MMP26: variants seen among roughly 807,000 people sequenced by gnomAD.
MMP26 encodes matrix metallopeptidase 26.
MMP26 carries 33 observed loss-of-function variants against 31.0 expected under a neutral mutation model. The observed-to-expected ratio is 1.06, with a 90% confidence interval of 0.81 to 1.42. The LOEUF (loss-of-function observed/expected upper bound fraction) is 1.42. MMP26 is among the 40% of genes most tolerant of loss of function. The pLI is 0.00. For synonymous variants in MMP26, 122 were observed against 114.9 expected (o/e 1.06, Z -0.40); for missense variants, 347 against 316.1 (o/e 1.10, Z -0.74).
At chr11:4,972,065 T>C (rs1598508) in intron 2 of MMP26, among the ~76,000 whole-genome samples, 77,810 of 151,450 alleles carry the variant, frequency 0.51, 20,499 homozygotes, top group South Asian at 0.64. Context: ...GTCCAAAGCA[T>C]GTAATTGACC....
intron 2 of MMP26, among the ~76,000 whole-genome samples, chr11:4,858,312 C>T (rs146949313): frequency 0.012 from 1,851 of 152,160 alleles, 43 homozygotes; most frequent in African/African-American, 0.042. Flanking sequence ...GACATGATTG[C>T]ATATTTAGAA....
intron 1 of MMP26, among the ~76,000 whole-genome samples, chr11:4,735,760 A>T (rs963130677): frequency 1.3e-4 from 20 of 151,048 alleles, no homozygotes; most frequent in African/African-American, 4.4e-4. Flanking sequence ...ATAATAGACA[A>T]TAGTTCTAAT....
Position 4,797,995 on chromosome 11 carries a change from T to C in MMP26, c.-145+30654T>C, listed in dbSNP as rs936168677. Among the ~76,000 whole-genome samples, 17 of 152,250 alleles carry C rather than the reference T, an allele frequency of 1.1e-4. 1 individual carries two copies. The highest frequency in any genetic ancestry group is 4.4e-5 in the Non-Finnish European group (3 of 68,036). On this transcript the variant is annotated intron_variant, in intron 2 of 7. Transcript: ENST00000380390. ...TGTTTCCTCATCTACAAAGTGGAAT[T>C]GGATGATTACATTGACTTCACATGC...
intron 2 of MMP26, among the ~76,000 whole-genome samples, chr11:4,850,089 T>A (rs1461227667): frequency 6.6e-6 from 1 of 152,208 alleles, no homozygotes; most frequent in Non-Finnish European, 1.5e-5. Context: ...ACTTATTTCT[T>A]CTATCTAAGT....
At chr11:4,858,152 T>G (rs996641130) in intron 2 of MMP26, among the ~76,000 whole-genome samples, 2 of 152,100 alleles carry the variant, frequency 1.3e-5, no homozygotes, top group South Asian at 4.1e-4. Context: ...AGCATTCCCT[T>G]TGAAAACTGG....
intron 2 of MMP26, among the ~76,000 whole-genome samples, chr11:4,846,337 G>A (rs1849866578): frequency 6.6e-6 from 1 of 152,024 alleles, no homozygotes; most frequent in Admixed American, 6.6e-5. Context: ...ACTTATTTGT[G>A]GGATCTAAAA....
At chr11:4,758,783 T>C (rs573850235) in intron 1 of MMP26, among the ~76,000 whole-genome samples, 1 of 152,108 alleles carries the variant, frequency 6.6e-6, no homozygotes, top group Admixed American at 6.5e-5. Context: ...TAACATTCAA[T>C]TGAATAATGT....
chr11:4,723,123 C>G (rs888270343), intron 1 of MMP26: 2 of 1,579,932 alleles, frequency 1.3e-6, no homozygotes, highest in African/African-American at 1.3e-5. Flanking sequence ...GCCTCCAGCT[C>G]GGACAGCTTG....
intron 2 of MMP26, among the ~76,000 whole-genome samples, chr11:4,898,686 G>C (rs569631478): frequency 1.3e-5 from 2 of 152,070 alleles, no homozygotes; most frequent in South Asian, 2.1e-4. Flanking sequence ...AGTGTCCATA[G>C]GTATGTTTTT....
chr11:4,722,542 T>C (rs1365082651), intron 1 of MMP26, among the ~76,000 whole-genome samples: 5 of 131,540 alleles, frequency 3.8e-5, no homozygotes, highest in Non-Finnish European at 7.8e-5. Context: ...AAAAAAGCAA[T>C]TGAATTGTTT....
chr11:4,794,279 A>T (rs1849074433), intron 2 of MMP26: 1 of 152,140 alleles, frequency 6.6e-6, no homozygotes, highest in South Asian at 2.1e-4. Flanking sequence ...AAACACACTC[A>T]CCTGTCCAAA....
chr11:4,799,016 T>C (rs530577962), intron 2 of MMP26, among the ~76,000 whole-genome samples: 1 of 152,266 alleles, frequency 6.6e-6, no homozygotes, highest in Admixed American at 6.5e-5. Flanking sequence ...CTTTTCTTAG[T>C]CACTGTGATT....
chr11:4,885,911 T>G (rs532812847), intron 2 of MMP26, among the ~76,000 whole-genome samples: 1 of 152,248 alleles, frequency 6.6e-6, no homozygotes, highest in South Asian at 2.1e-4. Flanking sequence ...TGATTAAAAT[T>G]ACCATACTTT....
At chr11:4,828,169 A>ACATCTCC (rs1473706065) in intron 2 of MMP26, among the ~76,000 whole-genome samples, 1 of 152,190 alleles carries the variant, frequency 6.6e-6, no homozygotes, top group Non-Finnish European at 1.5e-5. Context: ...GTGTATAAGA[A>ACATCTCC]TAGGAATGTG....
At chr11:4,980,266 A>G (rs1846793851) in intron 2 of MMP26, among the ~76,000 whole-genome samples, 1 of 152,054 alleles carries the variant, frequency 6.6e-6, no homozygotes, top group Non-Finnish European at 1.5e-5. Context: ...TAAAGACACC[A>G]AAGTTTCCAG....
rs143964649 is a variant in MMP26, at chr11:4,955,201, G to T, written c.-144-32867G>T. ...AGGAATGGGATAATTGGTTTTTCTT[G>T]CAATATCTCAAGCTTCTTAAAGTGA... On this transcript the variant is annotated intron_variant, in intron 2 of 7. Transcript: ENST00000380390. 7.8e-6 allele frequency: 10 copies of T among 1,284,244 alleles called. 1 individual carries two copies. The African/African-American group carries it at 1.4e-4, about 18-fold the overall frequency. The allele number at this position is 1,284,244 out of a possible 1,614,324, so 79.6% of individuals were successfully genotyped here.
intron 2 of MMP26, among the ~76,000 whole-genome samples, chr11:4,983,866 C>T (rs896821552): frequency 1.1e-4 from 16 of 152,142 alleles, no homozygotes; most frequent in African/African-American, 3.9e-4. Context: ...TTATTCAAGA[C>T]CTGTTGAATT....
intron 2 of MMP26, among the ~76,000 whole-genome samples, chr11:4,976,289 T>A (rs2133636494): frequency 6.6e-6 from 1 of 152,236 alleles, no homozygotes; most frequent in Non-Finnish European, 1.5e-5. Context: ...AAGGTTATCA[T>A]GTTCTTTATA....
At chr11:4,874,659 A>G (rs1206515938) in intron 2 of MMP26, among the ~76,000 whole-genome samples, 1 of 151,914 alleles carries the variant, frequency 6.6e-6, no homozygotes, top group Non-Finnish European at 1.5e-5. Flanking sequence ...CAGAGCCACT[A>G]TAGCACTACT....
Sources: gnomAD v4.1 joint callset for allele counts (sites outside exome capture counted in the v4.1 genomes callset) on GRCh38, gnomAD v4.1.1 for gene constraint, MANE v1.5 for transcripts, NCBI Gene and HGNC (gene_info 2026-07-23, HGNC 2026-07-21) for gene names.